The following MAML2 variants were observed in gnomAD, a reference collection of about 807,000 sequenced individuals.
MAML2 encodes mastermind like transcriptional coactivator 2, also known as mastermind-like protein 2.
MAML2 carries 22 observed loss-of-function variants against 96.1 expected under a neutral mutation model. The observed-to-expected ratio is 0.23, with a 90% CI of 0.16 to 0.33. The LOEUF (loss-of-function observed/expected upper bound fraction) is 0.33, where lower values mean the gene tolerates loss of function less well. Among genes scored for constraint, MAML2 ranks in the 10% least tolerant of loss-of-function variants. The pLI is 1.00. For synonymous variants in MAML2, 561 were observed against 521.3 expected (o/e 1.08, Z -1.04); for missense variants, 1,367 against 1,392.4 (o/e 0.98, Z 0.29).
chr11:96,159,020 T>C lies in MAML2; in HGVS notation c.514-65503A>G, dbSNP rs1029733677. On this transcript the variant is annotated intron_variant, in intron 1 of 4. Transcript: ENST00000524717. ...GCTTCTGTTTCTTATGATACAGATT[T>C]GGAAAATATAGATTTGCAAGGAATC... Among the ~76,000 whole-genome samples, 5 of 152,344 alleles carry C rather than the reference T, an allele frequency of 3.3e-5. No individual in the cohort carries two copies. In the South Asian group the frequency reaches 6.2e-4, roughly 19 times the overall value.
At chr11:96,325,438 T>C (rs938795165) in intron 1 of MAML2, among the ~76,000 whole-genome samples, 11 of 152,160 alleles carry the variant, frequency 7.2e-5, no homozygotes, top group African/African-American at 2.4e-4. Flanking sequence ...AGTAAGATAT[T>C]ATTACCATTT....
chr11:96,260,569 C>A (rs1477647531), intron 1 of MAML2, among the ~76,000 whole-genome samples: 1 of 152,278 alleles, frequency 6.6e-6, no homozygotes, highest in South Asian at 2.1e-4. Context: ...TGCCCTCACT[C>A]CTCCCTCCAG....
intron 2 of MAML2, among the ~76,000 whole-genome samples, chr11:96,045,825 G>C (rs185415449): frequency 6.6e-6 from 1 of 151,278 alleles, no homozygotes; most frequent in East Asian, 1.9e-4. Context: ...TTGCCAAAGT[G>C]ATGTAATAAT....
intron 2 of MAML2, among the ~76,000 whole-genome samples, chr11:96,023,329 GGGTAGTCTT>G (rs1858465550): frequency 6.6e-6 from 1 of 152,172 alleles, no homozygotes; most frequent in African/African-American, 2.4e-5. Flanking sequence ...TTTTGTTGCT[GGGTAGTCTT>G]GAGGCCTCTG....
chr11:96,309,183 T>G (rs1452591340), intron 1 of MAML2, among the ~76,000 whole-genome samples: 1 of 152,212 alleles, frequency 6.6e-6, no homozygotes, highest in Admixed American at 6.5e-5. Flanking sequence ...AAATGAGTAA[T>G]CCATTGTGTC....
intron 1 of MAML2, among the ~76,000 whole-genome samples, chr11:96,315,728 T>C (rs1020323870): frequency 6.6e-6 from 1 of 152,226 alleles, no homozygotes; most frequent in Non-Finnish European, 1.5e-5. Flanking sequence ...TAGTTGTCCC[T>C]GAGGATACTT....
At chr11:96,095,641 C>T (rs1467693463) in intron 1 of MAML2, among the ~76,000 whole-genome samples, 6 of 152,156 alleles carry the variant, frequency 3.9e-5, no homozygotes, top group South Asian at 4.1e-4. Flanking sequence ...AGGAGAGACA[C>T]GTTTTAATAC....
At position 96,101,569 on chromosome 11, in the gene MAML2, T is replaced by C. The variant is rs116328089; in HGVS notation, c.514-8052A>G. 2.4e-3 allele frequency among the ~76,000 whole-genome samples: 364 copies of C among 152,316 alleles called. 1 individual carries two copies. Among genetic ancestry groups the C allele is most frequent in the African/African-American group, 8.4e-3 (350 of 41,568 alleles). ...TCCTACTTACTGTACAAGTCTAAAC[T>C]AGTCACTTACCTTACCTGTATGATA... is the stretch of plus-strand genomic sequence containing the variant. On this transcript the variant is annotated intron_variant, in intron 1 of 4. Coordinates refer to ENST00000524717, the MANE Select transcript of MAML2 (RefSeq NM_032427.4).
intron 1 of MAML2, among the ~76,000 whole-genome samples, chr11:96,275,215 G>A (rs1862970536): frequency 6.7e-6 from 1 of 149,182 alleles, no homozygotes; most frequent in South Asian, 2.1e-4. Context: ...TAATGAATGA[G>A]TTCTTAAACA....
intron 4 of MAML2, among the ~76,000 whole-genome samples, chr11:95,981,501 C>T (rs541729390): frequency 7.2e-5 from 11 of 152,260 alleles, no homozygotes; most frequent in South Asian, 2.1e-4. Context: ...CAATTGTAAA[C>T]GTGGGCTATC....
chr11:96,005,644 A>G (rs1425929988), intron 2 of MAML2, among the ~76,000 whole-genome samples: 1 of 152,236 alleles, frequency 6.6e-6, no homozygotes, highest in African/African-American at 2.4e-5. Context: ...ATTGAAGTAA[A>G]TACACTGAAG....
chr11:96,011,429 G>A (rs898649924), intron 2 of MAML2, among the ~76,000 whole-genome samples: 3 of 152,192 alleles, frequency 2.0e-5, no homozygotes, highest in African/African-American at 7.2e-5. Flanking sequence ...CAACATGGAT[G>A]CAGCTGGAGG....
chr11:96,114,317 T>C (rs1860196495), intron 1 of MAML2, among the ~76,000 whole-genome samples: 1 of 152,024 alleles, frequency 6.6e-6, no homozygotes, highest in African/African-American at 2.4e-5. Flanking sequence ...GTACCAAGAG[T>C]CTTGGTGAGA....
At chr11:96,178,035 A>T (rs1225397717) in intron 1 of MAML2, among the ~76,000 whole-genome samples, 2 of 146,358 alleles carry the variant, frequency 1.4e-5, no homozygotes, top group Non-Finnish European at 3.1e-5. Flanking sequence ...ACTTAAAAAA[A>T]AAATAAATAT....
At chr11:96,303,781 C>T (rs1262888962) in intron 1 of MAML2, among the ~76,000 whole-genome samples, 1 of 152,196 alleles carries the variant, frequency 6.6e-6, no homozygotes, top group African/African-American at 2.4e-5. Context: ...CCAAGCTACA[C>T]CTGGCGCCCA....
At chr11:96,137,042 A>G (rs1253611234) in intron 1 of MAML2, among the ~76,000 whole-genome samples, 1 of 152,200 alleles carries the variant, frequency 6.6e-6, no homozygotes, top group Non-Finnish European at 1.5e-5. Flanking sequence ...AGGGAAGCTT[A>G]ACTACAACAA....
intron 1 of MAML2, among the ~76,000 whole-genome samples, chr11:96,315,273 A>G (rs945177737): frequency 6.6e-6 from 1 of 152,232 alleles, no homozygotes; most frequent in African/African-American, 2.4e-5. Flanking sequence ...GTGGAAGGAC[A>G]TAGTTGTCCT....
At chr11:96,059,615 A>T in intron 2 of MAML2, among the ~76,000 whole-genome samples, 1 of 152,046 alleles carries the variant, frequency 6.6e-6, no homozygotes, top group East Asian at 1.9e-4. Flanking sequence ...GGGGGTGGGG[A>T]GGATTTTGGA....
intron 1 of MAML2, among the ~76,000 whole-genome samples, chr11:96,313,871 A>G (rs570141): frequency 0.83 from 126,346 of 152,028 alleles, 52,826 homozygotes; most frequent in African/African-American, 0.92. Flanking sequence ...ATTTTTCGAC[A>G]TTTGAAATAA....
Sources: allele counts gnomAD v4.1 joint callset (sites outside exome capture counted in the v4.1 genomes callset), GRCh38; gene constraint gnomAD v4.1.1; transcripts MANE v1.5; gene names NCBI Gene and HGNC (gene_info 2026-07-23, HGNC 2026-07-21).